MRPS18A: variants seen among roughly 807,000 people sequenced by gnomAD.
The protein encoded by MRPS18A is mitochondrial ribosomal protein S18A.
In MRPS18A, 20 loss-of-function variants were observed where a neutral mutation model predicts 22.7. The ratio of observed to expected loss-of-function variants is 0.88; its 90% CI spans 0.62 to 1.28. MRPS18A has a LOEUF of 1.28. Ranked by LOEUF, MRPS18A falls within the 50% of genes most tolerant of loss-of-function variation. The pLI, the probability that MRPS18A is intolerant of heterozygous loss-of-function variation, is 0.00. For missense variants in MRPS18A, 294 were observed against 262.6 expected, an observed-to-expected ratio of 1.12 and a Z score of -0.83; for synonymous variants, 106 against 99.1, an observed-to-expected ratio of 1.07 and a Z score of -0.41.
At chr6:43,672,773 G>A (rs1561948724) in intron 5 of MRPS18A, among the ~76,000 whole-genome samples, 1 of 152,148 alleles carries the variant, frequency 6.6e-6, no homozygotes, top group Non-Finnish European at 1.5e-5. Context: ...TAAAAGAAGT[G>A]AAAAAATGAT....
At position 43,675,214 on chromosome 6, in the gene MRPS18A, G is replaced by C; in HGVS notation, c.434C>G (p.Pro145Arg). The C allele has an allele frequency of 6.6e-7, 1 of 1,518,724 alleles. No individual in the cohort carries two copies. The highest frequency in any genetic ancestry group is 8.8e-7 in the Non-Finnish European group (1 of 1,134,530). The allele number at this position is 1,518,724 out of a possible 1,614,324, so 94.1% of individuals were successfully genotyped here. ...LPEGVVPKSK[P>R]QLNRYLTRWA... The stretch of plus-strand genomic sequence containing the variant: ...CAGGCTTGCTTACCGGTTGAGTTGG[G>C]GTTTGCTCTTCGGAACAACTCCTTC... The change falls in exon 5 of 6, where the codon CCC becomes CGC. Residue 145 changes from proline (P) to arginine (R), a missense_variant. By Grantham distance (103) the Pro-to-Arg change is moderately radical. Coordinates refer to ENST00000372133, the MANE Select transcript of MRPS18A (RefSeq NM_018135.4).
At chr6:43,686,967 G>A (rs1244896463) in intron 1 of MRPS18A, among the ~76,000 whole-genome samples, 2 of 152,172 alleles carry the variant, frequency 1.3e-5, no homozygotes, top group Admixed American at 1.3e-4. Flanking sequence ...ATTGGAGTGT[G>A]TATATACATA....
chr6:43,671,667 G>C lies in MRPS18A; in HGVS notation c.*95C>G. ...GGAGGGACCAGGCCATCGTGGTGGG[G>C]TGGGACAGGAGTATAGTTGTGGCCA... is the stretch of plus-strand genomic sequence containing the variant. On this transcript the variant is annotated 3_prime_UTR_variant, in exon 6 of 6. Coordinates refer to ENST00000372133, the MANE Select transcript of MRPS18A (RefSeq NM_018135.4). 6.9e-7 allele frequency: 1 copy of C among 1,447,366 alleles called. No individual in the cohort carries two copies. The highest frequency in any genetic ancestry group is 9.6e-7 in the Non-Finnish European group (1 of 1,037,726). The allele number at this position is 1,447,366 out of a possible 1,614,324, so 89.7% of individuals were successfully genotyped here. A position where few individuals can be genotyped will look rare whatever the true frequency, so the allele number is the denominator to read the frequency against.
At position 43,673,724 on chromosome 6, in the gene MRPS18A, G is replaced by A. The variant is rs1180552699; in HGVS notation, c.446+1478C>T. On this transcript the variant is annotated intron_variant, in intron 5 of 5. Transcript: ENST00000372133. This position sits in a 1 kb window ranked among gnomAD's most constrained non-coding sequence, Gnocchi z 4.2. ...ACAGCAGCAGACAAAGCATGGCTCC[G>A]CCAGGCCCCAGCGGAGCCTGGGCCC... 3.3e-5 allele frequency among the ~76,000 whole-genome samples: 5 copies of A among 152,202 alleles called. No individual in the cohort carries two copies. The highest frequency in any genetic ancestry group is 4.4e-5 in the Non-Finnish European group (3 of 68,032).
intron 2 of MRPS18A, 142 bp from the exon 3 acceptor site, chr6:43,678,767 T>C (rs1774213561): frequency 6.4e-6 from 4 of 628,942 alleles, no homozygotes; most frequent in Non-Finnish European, 1.2e-5. Flanking sequence ...GAGGTTTCTC[T>C]GCCTGAACTG....
Position 43,678,507 on chromosome 6 carries a change from C to A in MRPS18A, c.252+11G>T, listed in dbSNP as rs41281840. On this transcript the variant is annotated intron_variant, in intron 3 of 5. Coordinates refer to ENST00000372133, the MANE Select transcript of MRPS18A (RefSeq NM_018135.4). ...ACACACAGAACCGAGTGTCTCTGTA[C>A]CCAGACTCACGTCATAGTTATACTT... The A allele has an allele frequency of 6.3e-7, 1 of 1,590,800 alleles. No homozygotes were observed. Among genetic ancestry groups the A allele is most frequent in the Non-Finnish European group, 8.6e-7 (1 of 1,159,102 alleles).
intron 5 of MRPS18A, 189 bp from the exon 6 acceptor site, chr6:43,672,095 G>A (rs1454711378): frequency 1.4e-6 from 1 of 694,110 alleles, no homozygotes; most frequent in Non-Finnish European, 2.4e-6. Context: ...GATGGGCTGG[G>A]CTCTTGCTGC....
At chr6:43,681,013 C>T in intron 2 of MRPS18A, 76 bp downstream of exon 2, 1 of 1,471,732 alleles carries the variant, frequency 6.8e-7, no homozygotes, top group African/African-American at 1.4e-5. Context: ...GTTTGGGCCC[C>T]TCCCTCCCTC....
chr6:43,682,983 C>T (rs924724058), intron 1 of MRPS18A, among the ~76,000 whole-genome samples: 35 of 152,164 alleles, frequency 2.3e-4, no homozygotes, highest in Admixed American at 1.6e-3. Context: ...CGTTCTGGTA[C>T]CACTGGAGTC....
chr6:43,679,730 T>C (rs571533483), intron 2 of MRPS18A, among the ~76,000 whole-genome samples: 32 of 152,244 alleles, frequency 2.1e-4, no homozygotes, highest in Middle Eastern at 6.8e-3. Flanking sequence ...GAAGTACTAC[T>C]TGGCTGTGCA....
At chr6:43,677,830 T>C (rs1774144805) in intron 3 of MRPS18A, among the ~76,000 whole-genome samples, 1 of 152,168 alleles carries the variant, frequency 6.6e-6, no homozygotes, top group African/African-American at 2.4e-5. Context: ...CGACAGAGTA[T>C]GCACTCAATG....
At chr6:43,680,329 C>G (rs561248056) in intron 2 of MRPS18A, among the ~76,000 whole-genome samples, 1 of 152,224 alleles carries the variant, frequency 6.6e-6, no homozygotes, top group Admixed American at 6.5e-5. Context: ...ATGGACTTGT[C>G]CTGGGAATAA....
Position 43,678,557 on chromosome 6 carries a change from G to A in MRPS18A, c.213C>T (p.Pro71=), listed in dbSNP as rs1774200188. The A allele has an allele frequency of 6.2e-7, 1 of 1,613,902 alleles. No individual in the cohort carries two copies. The highest frequency in any genetic ancestry group is 8.5e-7 in the Non-Finnish European group (1 of 1,179,816). The change falls in exon 3 of 6, where the codon CCC becomes CCT. Residue 71 remains proline (P), a synonymous_variant. Coordinates refer to ENST00000372133, the MANE Select transcript of MRPS18A (RefSeq NM_018135.4). The part of the protein sequence containing the change: ...PNPPNPSGQC[P]ICRWNLKHKY... ...TGTGCTTCAGGTTCCAACGGCAGAT[G>A]GGGCACTGGCCAGAGGGGTTAGGAG...
At chr6:43,679,766 T>C (rs999495410) in intron 2 of MRPS18A, among the ~76,000 whole-genome samples, 10 of 151,920 alleles carry the variant, frequency 6.6e-5, no homozygotes, top group Admixed American at 2.6e-4. Context: ...CCTTCTGCCA[T>C]GGCAATCACA....
chr6:43,686,090 C>T (rs1774679386), intron 1 of MRPS18A, among the ~76,000 whole-genome samples: 1 of 152,200 alleles, frequency 6.6e-6, no homozygotes, highest in Non-Finnish European at 1.5e-5. Context: ...AGATATGTAC[C>T]ACTGTACCTG....
chr6:43,679,336 G>A (rs761690496), intron 2 of MRPS18A, among the ~76,000 whole-genome samples: 29 of 152,176 alleles, frequency 1.9e-4, no homozygotes, highest in Non-Finnish European at 3.1e-4. Flanking sequence ...GAAAAAACCC[G>A]GGCTGTGCCA....
intron 3 of MRPS18A, 21 bp downstream of exon 3, chr6:43,678,495 AGT>A: frequency 6.6e-7 from 1 of 1,525,668 alleles, no homozygotes; most frequent in Non-Finnish European, 9.1e-7. Context: ...CACAGAACCG[AGT>A]GTCTCTGTAC....
At position 43,671,673 on chromosome 6, in the gene MRPS18A, CAGG is replaced by C. The variant is rs1223678786; in HGVS notation, c.*86_*88del. 1.3e-6 allele frequency: 2 copies of C among 1,495,204 alleles called. No homozygotes were observed. The highest frequency in any genetic ancestry group is 1.4e-5 in the African/African-American group (1 of 72,376). The allele number at this position is 1,495,204 out of a possible 1,614,324, so 92.6% of individuals were successfully genotyped here. A position where few individuals can be genotyped will look rare whatever the true frequency, so the allele number is the denominator to read the frequency against. ...ACCAGGCCATCGTGGTGGGGTGGGA[CAGG>C]AGTATAGTTGTGGCCAAGGGCTTGT... On this transcript the variant is annotated 3_prime_UTR_variant, in exon 6 of 6. Coordinates refer to ENST00000372133, the MANE Select transcript of MRPS18A (RefSeq NM_018135.4).
At position 43,671,647 on chromosome 6, in the gene MRPS18A, G is replaced by C; in HGVS notation, c.*115C>G. 7.9e-7 allele frequency: 1 copy of C among 1,258,698 alleles called. No individual in the cohort carries two copies. The highest frequency in any genetic ancestry group is 1.1e-6 in the Non-Finnish European group (1 of 877,900). 78.0% of individuals were successfully genotyped at this position (1,258,698 alleles called of 1,614,324 possible). ...GTCCCCTGTCCATGCATGTTGGAGG[G>C]ACCAGGCCATCGTGGTGGGGTGGGA... On this transcript the variant is annotated 3_prime_UTR_variant, in exon 6 of 6. Coordinates refer to ENST00000372133, the MANE Select transcript of MRPS18A (RefSeq NM_018135.4).
Sources: gnomAD v4.1 joint callset for allele counts (sites outside exome capture counted in the v4.1 genomes callset) on GRCh38, gnomAD v4.1.1 for gene constraint, Gnocchi (gnomAD v3.1) non-coding constraint, MANE v1.5 for transcripts, NCBI Gene and HGNC (gene_info 2026-07-23, HGNC 2026-07-21) for gene names.